RPS15: variants seen among roughly 807,000 people sequenced by gnomAD.
RPS15 encodes the protein small ribosomal subunit protein uS19.
In RPS15, 5 loss-of-function variants were observed where a neutral mutation model predicts 14.9. That is an observed-to-expected ratio of 0.34 (90% CI 0.18 to 0.70). RPS15 has a LOEUF of 0.70. Ranked by LOEUF, RPS15 falls within the 30% of genes least tolerant of loss-of-function variation. The pLI is 0.65. For missense variants in RPS15, 102 were observed against 204.2 expected (o/e 0.50, Z 3.05); for synonymous variants, 103 against 85.0 (o/e 1.21, Z -1.16).
Position 1,438,546 on chromosome 19 carries a change from C to T in RPS15, c.3+118C>T. 6.3e-7 allele frequency: 1 copy of T among 1,586,686 alleles called. No individual in the cohort carries two copies. The highest frequency in any genetic ancestry group is 8.6e-7 in the Non-Finnish European group (1 of 1,166,632). On this transcript the variant is annotated intron_variant, in intron 1 of 3. Coordinates refer to ENST00000592588, the MANE Select transcript of RPS15 (RefSeq NM_001018.5). This position sits in a 1 kb window ranked among gnomAD's most constrained non-coding sequence, Gnocchi z 4.8. ...CTACGGCGGCTTGCTCCCGACCCTG[C>T]AGGCGGCTGGATGTTGGGGCGAGGG...
rs1461088497 is a variant in RPS15, at chr19:1,440,059, C to A, written c.130C>A (p.Arg44=). ...MQLYSARQRR[R]LNRGLRRKQH... ...GCTGTACAGTGCGCGCCAGCGGCGG[C>A]GGCTGAACCGGGGCCTGCGGCGGAA... The change falls in exon 3 of 4, where the codon CGG becomes AGG. Residue 44 remains arginine, a synonymous_variant. Coordinates refer to ENST00000592588, the MANE Select transcript of RPS15 (RefSeq NM_001018.5). The A allele has an allele frequency of 3.2e-6, 5 of 1,561,028 alleles. No individual in the cohort carries two copies. In the African/African-American group the frequency reaches 6.8e-5, roughly 21 times the overall value.
In RPS15 at chr19:1,438,494, C is replaced by T. The variant is rs776679128; in HGVS notation, c.3+66C>T. 3.7e-6 allele frequency: 6 copies of T among 1,611,732 alleles called. No homozygotes were observed. The highest frequency in any genetic ancestry group is 5.1e-6 in the Non-Finnish European group (6 of 1,179,310). On this transcript the variant is annotated intron_variant, in intron 1 of 3. Transcript: ENST00000592588. This position sits in a 1 kb window ranked among gnomAD's most constrained non-coding sequence, Gnocchi z 4.8. ...GGCTCCATCCAACCTCTGACCGTCT[C>T]GCGGGGGCCGCAGTTCGTCCCCGCG...
Position 1,438,569 on chromosome 19 carries a change from G to T in RPS15, c.3+141G>T. 1 of 1,564,600 alleles carries T rather than the reference G, an allele frequency of 6.4e-7. No homozygotes were observed. Among genetic ancestry groups the T allele is most frequent in the Non-Finnish European group, 8.7e-7 (1 of 1,154,226 alleles). Reference sequence around the variant, plus strand: ...TGCAGGCGGCTGGATGTTGGGGCGAGGGGCGGACTTGGTGGGTGTCGGGAC... The same window carrying T: ...TGCAGGCGGCTGGATGTTGGGGCGATGGGCGGACTTGGTGGGTGTCGGGAC... On this transcript the variant is annotated intron_variant, in intron 1 of 3. Transcript: ENST00000592588. The surrounding 1 kb of genome is among the most constrained non-coding windows in gnomAD (Gnocchi z 4.8).
intron 2 of RPS15, chr19:1,439,708 G>A (rs1441671425): frequency 1.7e-6 from 1 of 585,058 alleles, no homozygotes. Flanking sequence ...CTTCCCCTGC[G>A]TTTTTAGAGG....
chr19:1,438,512 T>C lies in RPS15; in HGVS notation c.3+84T>C, dbSNP rs1235599869. 1.2e-6 allele frequency: 2 copies of C among 1,608,308 alleles called. No individual in the cohort carries two copies. Among genetic ancestry groups the C allele is most frequent in the Non-Finnish European group, 1.7e-6 (2 of 1,177,852 alleles). ...ACCGTCTCGCGGGGGCCGCAGTTCG[T>C]CCCCGCGGCTACGGCGGCTTGCTCC... is the stretch of plus-strand genomic sequence containing the variant. On this transcript the variant is annotated intron_variant, in intron 1 of 3. Coordinates refer to ENST00000592588, the MANE Select transcript of RPS15 (RefSeq NM_001018.5). The surrounding 1 kb of genome is among the most constrained non-coding windows in gnomAD (Gnocchi z 4.8).
rs776888428 is a variant in RPS15 at position 1,440,110 on chromosome 19, C to T, written c.181C>T (p.Arg61Cys). 1.3e-6 allele frequency: 2 copies of T among 1,598,084 alleles called. No homozygotes were observed. Among genetic ancestry groups the T allele is most frequent in the Non-Finnish European group, 1.7e-6 (2 of 1,173,872 alleles). Reference sequence around the variant, plus strand: ...GCAGCACTCCCTGCTGAAGCGCCTGCGCAAGGCCAAGAAGGAGGCGCCGCC... The same window carrying T: ...GCAGCACTCCCTGCTGAAGCGCCTGTGCAAGGCCAAGAAGGAGGCGCCGCC... ...RKQHSLLKRL[R>C]KAKKEAPPME... is the part of the protein sequence containing the mutation. The change falls in exon 3 of 4, where the codon CGC becomes TGC. Residue 61 changes from arginine (R) to cysteine (C), a missense_variant. Physicochemically the swap from Arg to Cys is radical, Grantham distance 180. Transcript: ENST00000592588.
Position 1,438,499 on chromosome 19 carries a change from G to A in RPS15, c.3+71G>A, listed in dbSNP as rs758665755. 1.7e-5 allele frequency: 28 copies of A among 1,611,502 alleles called. No homozygotes were observed. The highest frequency in any genetic ancestry group is 2.2e-5 in the South Asian group (2 of 90,844). On this transcript the variant is annotated intron_variant, in intron 1 of 3. Coordinates refer to ENST00000592588, the MANE Select transcript of RPS15 (RefSeq NM_001018.5). This position sits in a 1 kb window ranked among gnomAD's most constrained non-coding sequence, Gnocchi z 4.8. ...CATCCAACCTCTGACCGTCTCGCGG[G>A]GGCCGCAGTTCGTCCCCGCGGCTAC...
chr19:1,438,586 T>G lies in RPS15; in HGVS notation c.3+158T>G, dbSNP rs2083627096. 1 of 1,551,788 alleles carries G rather than the reference T, an allele frequency of 6.4e-7. No individual in the cohort carries two copies. Among genetic ancestry groups the G allele is most frequent in the South Asian group, 1.2e-5 (1 of 85,484 alleles). On this transcript the variant is annotated intron_variant, in intron 1 of 3. Coordinates refer to ENST00000592588, the MANE Select transcript of RPS15 (RefSeq NM_001018.5). This position sits in a 1 kb window ranked among gnomAD's most constrained non-coding sequence, Gnocchi z 4.8. ...TGGGGCGAGGGGCGGACTTGGTGGG[T>G]GTCGGGACGACGCGGGGCTGGGAAG...
chr19:1,440,287 C>G, intron 3 of RPS15, 34 bp downstream of exon 3: 3 of 1,611,582 alleles, frequency 1.9e-6, no homozygotes, highest in Non-Finnish European at 8.5e-7. Flanking sequence ...CTGGGGTGGG[C>G]TGGGGTCGCC....
chr19:1,440,111 G>A lies in RPS15; in HGVS notation c.182G>A (p.Arg61His), dbSNP rs1390781352. The A allele has an allele frequency of 6.3e-7, 1 of 1,599,162 alleles. No individual in the cohort carries two copies. The highest frequency in any genetic ancestry group is 8.5e-7 in the Non-Finnish European group (1 of 1,174,274). Residue 61 changes from arginine to histidine, a missense_variant, in exon 3 of 4, where the codon CGC (arginine) becomes CAC (histidine). By Grantham distance (29) the Arg-to-His change is conservative. Transcript: ENST00000592588. ...RKQHSLLKRLRKAKKEAPPME... is the reference protein window; with the variant it reads ...RKQHSLLKRLHKAKKEAPPME... ...CAGCACTCCCTGCTGAAGCGCCTGCGCAAGGCCAAGAAGGAGGCGCCGCCC... is the reference window on the plus strand; with the variant it reads ...CAGCACTCCCTGCTGAAGCGCCTGCACAAGGCCAAGAAGGAGGCGCCGCCC...
Position 1,440,112 on chromosome 19 carries a change from C to G in RPS15, c.183C>G (p.Arg61=), listed in dbSNP as rs1056597. The change falls in exon 3 of 4, where the codon CGC becomes CGG. Residue 61 remains arginine, a synonymous_variant. Coordinates refer to ENST00000592588, the MANE Select transcript of RPS15 (RefSeq NM_001018.5). ...RKQHSLLKRL[R]KAKKEAPPME... ...AGCACTCCCTGCTGAAGCGCCTGCGCAAGGCCAAGAAGGAGGCGCCGCCCA... is the reference window on the plus strand; with the variant it reads ...AGCACTCCCTGCTGAAGCGCCTGCGGAAGGCCAAGAAGGAGGCGCCGCCCA... 2.0e-4 allele frequency: 322 copies of G among 1,600,344 alleles called. No homozygotes were observed. Among genetic ancestry groups the G allele is most frequent in the Non-Finnish European group, 2.6e-4 (303 of 1,174,814 alleles).
At chr19:1,439,700 TC>T in intron 2 of RPS15, 1 of 583,880 alleles carries the variant, frequency 1.7e-6, no homozygotes, top group South Asian at 2.1e-5. Flanking sequence ...CTACCTGCCT[TC>T]CCCTGCGTTT....
intron 2 of RPS15, chr19:1,439,202 G>A: frequency 2.7e-6 from 1 of 364,534 alleles, no homozygotes; most frequent in Non-Finnish European, 4.9e-6. Flanking sequence ...AAGGGCGGTG[G>A]AGGTCGCTGG....
Position 1,438,696 on chromosome 19 carries a change from T to G in RPS15, c.4-111T>G. ...GACGGGTCGAAGCGGTGTGTCCCTGTCGGGCTTCTGTCCCCGGCGGCGCCG... is the reference window on the plus strand; with the variant it reads ...GACGGGTCGAAGCGGTGTGTCCCTGGCGGGCTTCTGTCCCCGGCGGCGCCG... On this transcript the variant is annotated intron_variant, in intron 1 of 3. Coordinates refer to ENST00000592588, the MANE Select transcript of RPS15 (RefSeq NM_001018.5). This position sits in a 1 kb window ranked among gnomAD's most constrained non-coding sequence, Gnocchi z 4.8. 6.5e-7 allele frequency: 1 copy of G among 1,532,520 alleles called. No homozygotes were observed. The highest frequency in any genetic ancestry group is 8.8e-7 in the Non-Finnish European group (1 of 1,132,830). 94.9% of individuals were successfully genotyped at this position (1,532,520 alleles called of 1,614,324 possible).
rs775429612 is a variant in RPS15, at chr19:1,440,495, G to T, written c.*33G>T. 20 of 1,529,692 alleles carry T rather than the reference G, an allele frequency of 1.3e-5. No homozygotes were observed. Among genetic ancestry groups the T allele is most frequent in the Non-Finnish European group, 1.8e-5 (20 of 1,103,190 alleles). 94.8% of individuals were successfully genotyped at this position (1,529,692 alleles called of 1,614,324 possible). A position where few individuals can be genotyped will look rare whatever the true frequency, so the allele number is the denominator to read the frequency against. The stretch of plus-strand genomic sequence containing the variant: ...GCTAATAAAGGCGCACATGACTCCA[G>T]TCCTTTGCGCAGCTTGTTCTTCCTG... On this transcript the variant is annotated 3_prime_UTR_variant, in exon 4 of 4. Coordinates refer to ENST00000592588, the MANE Select transcript of RPS15 (RefSeq NM_001018.5).
Position 1,438,900 on chromosome 19 carries a change from C to T in RPS15, c.89+8C>T. The T allele has an allele frequency of 1.3e-6, 2 of 1,555,526 alleles. No homozygotes were observed. The highest frequency in any genetic ancestry group is 1.2e-5 in the South Asian group (1 of 85,820). On this transcript the variant is annotated splice_region_variant and intron_variant, in intron 2 of 3. Coordinates refer to ENST00000592588, the MANE Select transcript of RPS15 (RefSeq NM_001018.5). This position sits in a 1 kb window ranked among gnomAD's most constrained non-coding sequence, Gnocchi z 4.8. ...GCTGCTGGACATGTCCTAGTAAGGGCGGCCGCGGGGGTCGCGGGCAGGGGC... is the reference window on the plus strand; with the variant it reads ...GCTGCTGGACATGTCCTAGTAAGGGTGGCCGCGGGGGTCGCGGGCAGGGGC...
At position 1,438,416 on chromosome 19, in the gene RPS15, A is replaced by G; in HGVS notation, c.-10A>G. The G allele has an allele frequency of 1.2e-6, 2 of 1,613,430 alleles. No homozygotes were observed. The highest frequency in any genetic ancestry group is 1.7e-6 in the Non-Finnish European group (2 of 1,179,894). ...CGGACCAAAGCGATCTCTTCTGAGG[A>G]TCCGGCAAGATGGTGAGTGTTGCGA... On this transcript the variant is annotated 5_prime_UTR_variant, in exon 1 of 4. Transcript: ENST00000592588. The surrounding 1 kb of genome is among the most constrained non-coding windows in gnomAD (Gnocchi z 4.8).
chr19:1,440,376 G>T lies in RPS15; in HGVS notation c.352G>T (p.Glu118Ter). The change falls in exon 4 of 4, where the codon GAG (glutamate) becomes TAG (stop). Residue 118 changes from glutamate to a stop codon, truncating the protein, a stop_gained. Transcript: ENST00000592588. LOFTEE classifies it high-confidence loss of function. ...KPEMIGHYLGEFSITYKPVKH... is the reference protein window; with the variant it reads ...KPEMIGHYLG ...CGAGATGATCGGCCACTACCTGGGC[G>T]AGTTCTCCATCACCTACAAGCCCGT... The T allele has an allele frequency of 6.2e-7, 1 of 1,614,016 alleles. No homozygotes were observed. The highest frequency in any genetic ancestry group is 8.5e-7 in the Non-Finnish European group (1 of 1,179,918).
At chr19:1,440,284 G>GGGCTGGGGTC (rs775367066) in intron 3 of RPS15, 31 bp downstream of exon 3, 100 of 1,611,054 alleles carry the variant, frequency 6.2e-5, no homozygotes, top group Non-Finnish European at 8.3e-5. Context: ...CGGCTGGGGT[G>GGGCTGGGGTC]GGCTGGGGTC....
Sources: gnomAD v4.1 joint callset for allele counts on GRCh38, gnomAD v4.1.1 for gene constraint, Gnocchi (gnomAD v3.1) non-coding constraint, MANE v1.5 for transcripts, NCBI Gene and HGNC (gene_info 2026-07-23, HGNC 2026-07-21) for gene names.